Variants in SPATA13 observed in about 807,000 individuals in gnomAD.
SPATA13 encodes the protein spermatogenesis-associated protein 13.
SPATA13 carries 50 observed loss-of-function variants against 104.0 expected under a neutral mutation model. That is an observed-to-expected ratio of 0.48 (90% CI 0.38 to 0.61). The LOEUF is 0.61. Ranked by LOEUF, SPATA13 falls within the 20% of genes least tolerant of loss-of-function variation. The pLI is 0.00. For synonymous variants in SPATA13, 606 were observed against 667.5 expected (o/e 0.91, Z 1.42); for missense variants, 1,524 against 1,690.6 (o/e 0.90, Z 1.73).
intron 3 of SPATA13, among the ~76,000 whole-genome samples, chr13:24,040,572 G>C (rs900678634): frequency 1.1e-4 from 16 of 152,140 alleles, no homozygotes; most frequent in African/African-American, 3.9e-4. Flanking sequence ...GGTAAATAGA[G>C]TCTTGGGGTC....
intron 3 of SPATA13, among the ~76,000 whole-genome samples, chr13:24,062,489 C>T (rs117110160): frequency 5.3e-5 from 8 of 152,286 alleles, no homozygotes; most frequent in Non-Finnish European, 1.2e-4. Flanking sequence ...CCAGCCCTGC[C>T]GCTCCAGGGC....
intron 2 of SPATA13, among the ~76,000 whole-genome samples, chr13:24,009,391 T>C (rs889341657): frequency 1.3e-5 from 2 of 152,230 alleles, no homozygotes; most frequent in African/African-American, 4.8e-5. Context: ...CAAATATGAG[T>C]GACCCATGAG....
chr13:24,011,051 T>G lies in SPATA13; in HGVS notation c.-146-6616T>G, dbSNP rs1437455169. 6.6e-6 allele frequency among the ~76,000 whole-genome samples: 1 copy of G among 152,178 alleles called. No homozygotes were observed. Among genetic ancestry groups the G allele is most frequent in the East Asian group, 1.9e-4 (1 of 5,158 alleles). Reference sequence around the variant, plus strand: ...TGCACCCATACTGCTGGGATATGCCTGCACTCTGCAGTTTGCTGACTCCTC... The same window carrying G: ...TGCACCCATACTGCTGGGATATGCCGGCACTCTGCAGTTTGCTGACTCCTC... On this transcript the variant is annotated intron_variant, in intron 2 of 14. Transcript: ENST00000424834. The surrounding 1 kb of genome is among the most constrained non-coding windows in gnomAD (Gnocchi z 4.3).
chr13:24,000,952 T>C (rs1360700738), intron 2 of SPATA13, among the ~76,000 whole-genome samples: 4 of 152,150 alleles, frequency 2.6e-5, no homozygotes, highest in Non-Finnish European at 5.9e-5. Flanking sequence ...CAGTGTTTAC[T>C]TCCTAGGCTG....
intron 2 of SPATA13, among the ~76,000 whole-genome samples, chr13:24,244,373 A>G (rs1326369330): frequency 6.6e-6 from 1 of 152,244 alleles, no homozygotes. Flanking sequence ...TGGATATAAG[A>G]GAAATCAAGT....
chr13:24,065,619 C>T (rs28378618), intron 3 of SPATA13, among the ~76,000 whole-genome samples: 136,877 of 152,066 alleles, frequency 0.9, 62,202 homozygotes, highest in South Asian at 0.99. Flanking sequence ...CAGAGAGAGA[C>T]GTCCCCTAAG....
chr13:24,030,720 G>A (rs938765619), intron 3 of SPATA13, among the ~76,000 whole-genome samples: 2 of 152,062 alleles, frequency 1.3e-5, no homozygotes, highest in African/African-American at 4.8e-5. Flanking sequence ...AACCATACAT[G>A]TTTAAGGGTT....
At chr13:24,297,283 C>T (rs554525773) in intron 10 of SPATA13, 80 bp from the exon 11 acceptor site, 11 of 1,503,740 alleles carry the variant, frequency 7.3e-6, no homozygotes, top group African/African-American at 6.9e-5. Flanking sequence ...CAACGATCCT[C>T]CCACCTTGGC....
At chr13:24,097,739 G>C (rs149399241) in intron 3 of SPATA13, among the ~76,000 whole-genome samples, 41 of 152,328 alleles carry the variant, frequency 2.7e-4, no homozygotes, top group Non-Finnish European at 4.6e-4. Flanking sequence ...ATCATGTAAG[G>C]AGAGGGACCC....
intron 3 of SPATA13, among the ~76,000 whole-genome samples, chr13:24,026,035 C>T (rs1250599626): frequency 6.6e-6 from 1 of 152,108 alleles, no homozygotes; most frequent in East Asian, 1.9e-4. Flanking sequence ...GAACTCTGGA[C>T]CTCGTGATCC....
intron 1 of SPATA13, among the ~76,000 whole-genome samples, chr13:24,193,313 G>A (rs1026071966): frequency 3.3e-5 from 5 of 152,128 alleles, no homozygotes; most frequent in African/African-American, 4.8e-5. Context: ...GTAGGTGAGG[G>A]TGGGGGAGAG....
intron 3 of SPATA13, among the ~76,000 whole-genome samples, chr13:24,030,451 T>C (rs1877428166): frequency 6.6e-6 from 1 of 152,184 alleles, no homozygotes; most frequent in Non-Finnish European, 1.5e-5. Context: ...TTATTTGACA[T>C]TTCTCTGAGG....
At chr13:23,990,378 C>T (rs191737794) in intron 2 of SPATA13, among the ~76,000 whole-genome samples, 4 of 152,330 alleles carry the variant, frequency 2.6e-5, no homozygotes, top group Non-Finnish European at 5.9e-5. Context: ...TGGCTCACTC[C>T]CTCTGTTTCC....
intron 3 of SPATA13, among the ~76,000 whole-genome samples, chr13:24,043,186 G>T (rs1877996075): frequency 1.3e-5 from 2 of 152,170 alleles, no homozygotes; most frequent in South Asian, 4.1e-4. Flanking sequence ...TGGCTTGGTG[G>T]TTTATCACTC....
intron 3 of SPATA13, among the ~76,000 whole-genome samples, chr13:24,041,752 A>G (rs921904118): frequency 5.9e-5 from 9 of 152,182 alleles, no homozygotes; most frequent in Admixed American, 5.2e-4. Context: ...TTCTCACTCA[A>G]CCCAGGAGAA....
chr13:24,192,134 T>C (rs1007692751), intron 1 of SPATA13, among the ~76,000 whole-genome samples: 3 of 152,136 alleles, frequency 2.0e-5, no homozygotes, highest in Non-Finnish European at 4.4e-5. Context: ...ATTGTGGCCA[T>C]GCTCAGACAA....
At chr13:24,187,900 A>T (rs1275044134) in intron 1 of SPATA13, among the ~76,000 whole-genome samples, 1 of 152,220 alleles carries the variant, frequency 6.6e-6, no homozygotes, top group African/African-American at 2.4e-5. Flanking sequence ...AGAGTCGCCC[A>T]TCTCTATTTT....
chr13:24,302,458 T>TA (rs1262067176), intron 12 of SPATA13, 140 bp from the exon 13 acceptor site: 1 of 394,172 alleles, frequency 2.5e-6, no homozygotes, highest in Non-Finnish European at 4.1e-6. Flanking sequence ...AGACCCTGTC[T>TA]CAAAAAAAAA....
At chr13:24,251,472 G>T in intron 3 of SPATA13, 1 of 985,418 alleles carries the variant, frequency 1.0e-6, no homozygotes, top group East Asian at 1.1e-4. Context: ...CTATTGGCAT[G>T]TTGCAGACAA....
Sources: allele counts gnomAD v4.1 joint callset (sites outside exome capture counted in the v4.1 genomes callset), GRCh38; gene constraint gnomAD v4.1.1; non-coding constraint Gnocchi (gnomAD v3.1); transcripts MANE v1.5; gene names NCBI Gene and HGNC (gene_info 2026-07-23, HGNC 2026-07-21).